The following TAFA2 variants were observed in gnomAD, a reference collection of about 807,000 sequenced individuals.
The protein encoded by TAFA2 is TAFA chemokine like family member 2.
In TAFA2, 7 loss-of-function variants were observed where a neutral mutation model predicts 18.8. The ratio of observed to expected loss-of-function variants is 0.37; its 90% confidence interval spans 0.21 to 0.70. TAFA2 has a LOEUF of 0.70. Among genes scored for constraint, TAFA2 ranks in the 30% least tolerant of loss-of-function variants. The probability of loss-of-function intolerance (pLI) is 0.53; values close to 1 mark genes in which losing one functional copy is unlikely to be tolerated. For synonymous variants in TAFA2, 60 were observed against 54.2 expected (o/e 1.11, Z -0.47); for missense variants, 122 against 158.1 (o/e 0.77, Z 1.23).
rs186654891 is a variant in TAFA2, at chr12:61,939,150, G to A, written c.-1-71724C>T. Among the ~76,000 whole-genome samples the A allele has an allele frequency of 1.6e-4, 25 of 152,236 alleles. No individual in the cohort carries two copies. In the East Asian group the frequency reaches 4.6e-3, roughly 28 times the overall value. Reference sequence around the variant, plus strand: ...GAAGTTAAACTGCCAAAGAATAGTAGATGCATTTAAGTTTTTCAATGGTAT... The same window carrying A: ...GAAGTTAAACTGCCAAAGAATAGTAAATGCATTTAAGTTTTTCAATGGTAT... On this transcript the variant is annotated intron_variant, in intron 1 of 4. Coordinates refer to ENST00000416284, the MANE Select transcript of TAFA2 (RefSeq NM_178539.5).
At chr12:62,019,785 G>A (rs1030365471) in intron 1 of TAFA2, among the ~76,000 whole-genome samples, 2 of 151,492 alleles carry the variant, frequency 1.3e-5, no homozygotes, top group Admixed American at 6.6e-5. Flanking sequence ...AAACCTGCAC[G>A]TTGTGCACAT....
chr12:62,139,699 G>GA (rs2136905435), intron 1 of TAFA2, among the ~76,000 whole-genome samples: 1 of 152,056 alleles, frequency 6.6e-6, no homozygotes, highest in Non-Finnish European at 1.5e-5. Flanking sequence ...GTGATAAAAA[G>GA]AAAAAAAGAC....
At chr12:61,729,353 C>T (rs191407040) in intron 4 of TAFA2, among the ~76,000 whole-genome samples, 1 of 151,812 alleles carries the variant, frequency 6.6e-6, no homozygotes, top group Non-Finnish European at 1.5e-5. Flanking sequence ...TCCTTGGGAA[C>T]ACCAATTATT....
intron 1 of TAFA2, among the ~76,000 whole-genome samples, chr12:62,076,451 T>C (rs1401780580): frequency 6.6e-6 from 1 of 152,174 alleles, no homozygotes; most frequent in African/African-American, 2.4e-5. Flanking sequence ...CAGCAAAGTG[T>C]CACTGTGAGA....
At chr12:62,159,930 C>T (rs1281485141) in intron 1 of TAFA2, among the ~76,000 whole-genome samples, 1 of 152,112 alleles carries the variant, frequency 6.6e-6, no homozygotes, top group African/African-American at 2.4e-5. Context: ...CTTAGACTCC[C>T]CATGATATGC....
intron 1 of TAFA2, among the ~76,000 whole-genome samples, chr12:62,030,518 C>A (rs1198565060): frequency 6.6e-6 from 1 of 152,046 alleles, no homozygotes. Flanking sequence ...ACCACAATGA[C>A]AAACAAGGAA....
chr12:61,724,248 CTCA>C (rs1298987658), intron 4 of TAFA2, among the ~76,000 whole-genome samples: 1 of 152,068 alleles, frequency 6.6e-6, no homozygotes, highest in Admixed American at 6.6e-5. Context: ...GGGTTTCCCC[CTCA>C]TAATAGTTTC....
At chr12:61,887,146 G>A (rs1347779674) in intron 1 of TAFA2, among the ~76,000 whole-genome samples, 5 of 152,100 alleles carry the variant, frequency 3.3e-5, no homozygotes, top group African/African-American at 4.8e-5. Context: ...GACCAAGTAG[G>A]GAAATCAGTC....
chr12:62,013,108 G>A (rs759145684), intron 1 of TAFA2, among the ~76,000 whole-genome samples: 4 of 152,090 alleles, frequency 2.6e-5, no homozygotes, highest in African/African-American at 7.2e-5. Context: ...TTGAACATTC[G>A]TAGTTTATGG....
chr12:61,851,774 C>CAAAAAAAAAAAAAAAAAAA (rs55651727), intron 2 of TAFA2, among the ~76,000 whole-genome samples: 2 of 14,502 alleles, frequency 1.4e-4, no homozygotes, highest in African/African-American at 3.0e-4. Flanking sequence ...GACTCCATCT[C>CAAAAAAAAAAAAAAAAAAA]AAAAAAAAAA....
At chr12:61,831,959 G>T (rs116626716) in intron 2 of TAFA2, among the ~76,000 whole-genome samples, 2,755 of 151,650 alleles carry the variant, frequency 0.018, 79 homozygotes, top group African/African-American at 0.063. Flanking sequence ...TCTTTCTTTT[G>T]TCATCAAACT....
chr12:61,873,249 CAA>C (rs1874696888), intron 1 of TAFA2, among the ~76,000 whole-genome samples: 1 of 151,902 alleles, frequency 6.6e-6, no homozygotes, highest in African/African-American at 2.4e-5. Context: ...GAAATGGAAA[CAA>C]AGACTAGATT....
At chr12:62,244,206 A>C (rs1330345862) in intron 1 of TAFA2, among the ~76,000 whole-genome samples, 2 of 150,346 alleles carry the variant, frequency 1.3e-5, no homozygotes, top group Non-Finnish European at 3.0e-5. Flanking sequence ...ATCTGAACTC[A>C]ATCATTGTTA....
intron 1 of TAFA2, among the ~76,000 whole-genome samples, chr12:62,001,669 T>C (rs1469895088): frequency 6.6e-6 from 1 of 152,082 alleles, no homozygotes; most frequent in Non-Finnish European, 1.5e-5. Context: ...CAGACGAAGC[T>C]TCACTTGCCC....
intron 1 of TAFA2, among the ~76,000 whole-genome samples, chr12:62,199,925 T>C (rs1253262586): frequency 6.6e-6 from 1 of 152,172 alleles, no homozygotes; most frequent in African/African-American, 2.4e-5. Context: ...CTGTTGTTTC[T>C]TGCTTTTTAA....
chr12:61,714,281 T>C (rs535735475), intron 4 of TAFA2, among the ~76,000 whole-genome samples: 19 of 152,196 alleles, frequency 1.2e-4, no homozygotes, highest in Non-Finnish European at 2.2e-4. Context: ...TACATAGCTG[T>C]TCTTTTTTAC....
At chr12:61,960,163 C>T (rs1277122008) in intron 1 of TAFA2, among the ~76,000 whole-genome samples, 1 of 151,644 alleles carries the variant, frequency 6.6e-6, no homozygotes, top group East Asian at 1.9e-4. Flanking sequence ...TGATAATTTC[C>T]TTGTCATTCA....
At chr12:61,990,801 C>T (rs928533149) in intron 1 of TAFA2, among the ~76,000 whole-genome samples, 5 of 152,100 alleles carry the variant, frequency 3.3e-5, no homozygotes, top group Admixed American at 6.5e-5. Context: ...TGCTTGAATC[C>T]GCATCTGATC....
At chr12:62,078,195 A>G (rs1250588333) in intron 1 of TAFA2, among the ~76,000 whole-genome samples, 1 of 152,136 alleles carries the variant, frequency 6.6e-6, no homozygotes, top group Admixed American at 6.5e-5. Flanking sequence ...GTCACGTAGC[A>G]GAAAGCTGCC....
Sources: gnomAD v4.1 joint callset for allele counts (sites outside exome capture counted in the v4.1 genomes callset) on GRCh38, gnomAD v4.1.1 for gene constraint, MANE v1.5 for transcripts, NCBI Gene and HGNC (gene_info 2026-07-23, HGNC 2026-07-21) for gene names.